The following EFNB2 variants were observed in gnomAD, a reference collection of about 807,000 sequenced individuals.
The protein encoded by EFNB2 is ephrin B2, also known as ephrin-B2.
EFNB2 carries 5 observed loss-of-function variants against 32.1 expected under a neutral mutation model. That is an observed-to-expected ratio of 0.16 (90% CI 0.08 to 0.33). The LOEUF (loss-of-function observed/expected upper bound fraction) is 0.33, where lower values mean the gene tolerates loss of function less well. EFNB2 is among the 10% of genes least tolerant of loss of function. The pLI, the probability that EFNB2 is intolerant of heterozygous loss-of-function variation, is 1.00. For missense variants in EFNB2, 263 were observed against 422.6 expected (o/e 0.62, Z 3.31); for synonymous variants, 168 against 166.5 (o/e 1.01, Z -0.07).
chr13:106,532,636 TTTCCAGGCACACATTATCCAGTC>T (rs1469123325), intron 1 of EFNB2, among the ~76,000 whole-genome samples: 2 of 152,210 alleles, frequency 1.3e-5, no homozygotes, highest in Non-Finnish European at 2.9e-5. Context: ...AGGGAGACCT[TTTCCAGGCACACATTATCCAGTC>T]ATCCAGGCAG....
At chr13:106,534,607 C>T (rs941494602) in intron 1 of EFNB2, among the ~76,000 whole-genome samples, 41 of 151,860 alleles carry the variant, frequency 2.7e-4, no homozygotes, top group African/African-American at 8.9e-4. Flanking sequence ...CTTTTAGCGC[C>T]TGGGAGCGTT....
At chr13:106,523,104 C>CAGAGGAGGG (rs1879586745) in intron 1 of EFNB2, among the ~76,000 whole-genome samples, 1 of 152,112 alleles carries the variant, frequency 6.6e-6, no homozygotes, top group East Asian at 1.9e-4. Context: ...AGGGCTAGGT[C>CAGAGGAGGG]TGCTGTGGGC....
chr13:106,514,145 C>A (rs772458757), intron 1 of EFNB2, among the ~76,000 whole-genome samples: 17 of 152,010 alleles, frequency 1.1e-4, no homozygotes, highest in Admixed American at 7.2e-4. Context: ...CTGTACAACC[C>A]CCAAAAGAGA....
rs137902852 is a variant in EFNB2, at chr13:106,503,618, A to G, written c.407-7778T>C. 4.2e-3 allele frequency among the ~76,000 whole-genome samples: 637 copies of G among 152,320 alleles called. 2 individuals are homozygous for G. Among genetic ancestry groups the G allele is most frequent in the African/African-American group, 0.015 (617 of 41,584 alleles). On this transcript the variant is annotated intron_variant, in intron 2 of 4. Coordinates refer to ENST00000646441, the MANE Select transcript of EFNB2 (RefSeq NM_004093.4). ...CTGGGTGGTGTTAAGTGAAAATGCT[A>G]TAGATGAACTACATGCTGTTTGCAA...
At position 106,518,003 on chromosome 13, in the gene EFNB2, G is replaced by A. The variant is rs1262771989; in HGVS notation, c.123-5191C>T. 6.6e-6 allele frequency: 1 copy of A among 152,116 alleles called. No individual in the cohort carries two copies. The highest frequency in any genetic ancestry group is 2.4e-5 in the African/African-American group (1 of 41,422). 9.4% of individuals were successfully genotyped at this position (152,116 alleles called of 1,614,324 possible). A position where few individuals can be genotyped will look rare whatever the true frequency, so the allele number is the denominator to read the frequency against. ...TCTAAACTGGATCTCTAATAATTTAGACATTTCAACTTCACAGTCATAATT... is the reference window on the plus strand; with the variant it reads ...TCTAAACTGGATCTCTAATAATTTAAACATTTCAACTTCACAGTCATAATT... On this transcript the variant is annotated intron_variant, in intron 1 of 4. Transcript: ENST00000646441. This position sits in a 1 kb window ranked among gnomAD's most constrained non-coding sequence, Gnocchi z 4.1.
chr13:106,498,681 G>A (rs1363678610), intron 2 of EFNB2, among the ~76,000 whole-genome samples: 3 of 152,108 alleles, frequency 2.0e-5, no homozygotes, highest in African/African-American at 7.2e-5. Flanking sequence ...AAAGTGTGTG[G>A]GGAAGAGGGA....
chr13:106,532,072 A>C (rs1879891168), intron 1 of EFNB2, among the ~76,000 whole-genome samples: 1 of 69,126 alleles, frequency 1.4e-5, no homozygotes, highest in Non-Finnish European at 2.8e-5. Flanking sequence ...AAAAACAAAA[A>C]AAAAACCAAA....
At chr13:106,498,185 C>A (rs1878653753) in intron 2 of EFNB2, among the ~76,000 whole-genome samples, 1 of 151,980 alleles carries the variant, frequency 6.6e-6, no homozygotes, top group Non-Finnish European at 1.5e-5. Flanking sequence ...AAGGGCAGTG[C>A]ACAGAAAGAA....
intron 2 of EFNB2, chr13:106,506,159 A>G (rs146037919): frequency 6.6e-6 from 1 of 152,378 alleles, no homozygotes; most frequent in Admixed American, 6.5e-5. Flanking sequence ...ATGTTCAGAA[A>G]TAACAGAAAC....
chr13:106,529,843 T>C (rs749941408), intron 1 of EFNB2, among the ~76,000 whole-genome samples: 21 of 152,248 alleles, frequency 1.4e-4, no homozygotes, highest in African/African-American at 5.1e-4. Flanking sequence ...GATCAGTTTC[T>C]TTATACTCTG....
chr13:106,526,518 T>C (rs1879705763), intron 1 of EFNB2, among the ~76,000 whole-genome samples: 1 of 152,278 alleles, frequency 6.6e-6, no homozygotes, highest in Admixed American at 6.5e-5. Flanking sequence ...AGAGAGAACA[T>C]GTCTAGGAGA....
At chr13:106,503,394 T>G (rs890413465) in intron 2 of EFNB2, among the ~76,000 whole-genome samples, 1 of 152,124 alleles carries the variant, frequency 6.6e-6, no homozygotes, top group Non-Finnish European at 1.5e-5. Context: ...ATAAGTAACT[T>G]CACATAGAAG....
chr13:106,533,999 G>C (rs1407441592), intron 1 of EFNB2, among the ~76,000 whole-genome samples: 1 of 152,172 alleles, frequency 6.6e-6, no homozygotes, highest in Non-Finnish European at 1.5e-5. Context: ...TGTAGAGTCC[G>C]GTAAGAGCAA....
chr13:106,519,845 GCTAT>G (rs2138931135), intron 1 of EFNB2: 1 of 152,178 alleles, frequency 6.6e-6, no homozygotes, highest in African/African-American at 2.4e-5. Context: ...AAAACTTTGT[GCTAT>G]CTTTCATAAT....
chr13:106,491,302 G>A lies in EFNB2; in HGVS notation c.*1738C>T, dbSNP rs376225757. On this transcript the variant is annotated 3_prime_UTR_variant, in exon 5 of 5. Transcript: ENST00000646441. ...GTCTACGGTTCCGTGAGATGCCTTC[G>A]GAGGACTTGGTTATTTTTGCATTTG... 1.2e-4 allele frequency: 19 copies of A among 152,560 alleles called. No homozygotes were observed. In the East Asian group the frequency reaches 1.3e-3, roughly 11 times the overall value. 9.5% of individuals were successfully genotyped at this position (152,560 alleles called of 1,614,324 possible). A position where few individuals can be genotyped will look rare whatever the true frequency, so the allele number is the denominator to read the frequency against.
In EFNB2 at chr13:106,493,127, C is replaced by T. The variant is rs780547614; in HGVS notation, c.915G>A (p.Glu305=). Residue 305 remains glutamate, a synonymous_variant, in exon 5 of 5, where the codon GAG becomes GAA. Transcript: ENST00000646441. The surrounding 1 kb of genome is among the most constrained non-coding windows in gnomAD (Gnocchi z 6.1). ...TADSVFCPHY[E]KVSGDYGHPV... The stretch of plus-strand genomic sequence containing the variant: ...GGTGCCCGTAGTCCCCGCTGACCTT[C>T]TCGTAGTGAGGGCAGAAGACGCTGT... 6.2e-6 allele frequency: 10 copies of T among 1,613,972 alleles called. No homozygotes were observed. The highest frequency in any genetic ancestry group is 8.5e-6 in the Non-Finnish European group (10 of 1,180,052).
In EFNB2 at chr13:106,501,041, A is replaced by C. The variant is rs117747415; in HGVS notation, c.407-5201T>G. On this transcript the variant is annotated intron_variant, in intron 2 of 4. Coordinates refer to ENST00000646441, the MANE Select transcript of EFNB2 (RefSeq NM_004093.4). ...GCTGATAAAAAAATAATTAGTGTGA[A>C]TATACAACCTAGGAAGCTAAGATTT... Among the ~76,000 whole-genome samples, 877 of 152,342 alleles carry C rather than the reference A, an allele frequency of 5.8e-3. 3 individuals carry two copies. Among genetic ancestry groups the C allele is most frequent in the Non-Finnish European group, 7.8e-3 (532 of 68,026 alleles).
intron 2 of EFNB2, among the ~76,000 whole-genome samples, chr13:106,502,628 C>A (rs910224291): frequency 6.6e-6 from 1 of 152,150 alleles, no homozygotes; most frequent in Non-Finnish European, 1.5e-5. Context: ...GGGAGAAGGT[C>A]AATCTACTGA....
intron 2 of EFNB2, among the ~76,000 whole-genome samples, chr13:106,499,856 A>G (rs1482571570): frequency 6.6e-6 from 1 of 152,180 alleles, no homozygotes; most frequent in African/African-American, 2.4e-5. Flanking sequence ...GCATGTAGTA[A>G]GTATATAGAA....
Sources: allele counts gnomAD v4.1 joint callset (sites outside exome capture counted in the v4.1 genomes callset), GRCh38; gene constraint gnomAD v4.1.1; non-coding constraint Gnocchi (gnomAD v3.1); transcripts MANE v1.5; gene names NCBI Gene and HGNC (gene_info 2026-07-23, HGNC 2026-07-21).